FGF14: variants seen among roughly 807,000 people sequenced by gnomAD.
FGF14 encodes fibroblast growth factor 14.
Under a neutral mutation model 25.5 loss-of-function variants are expected in FGF14, and 5 were observed. That is an observed-to-expected ratio of 0.20 (90% CI 0.10 to 0.41). The LOEUF (loss-of-function observed/expected upper bound fraction) is 0.41. FGF14 is among the 10% of genes least tolerant of loss of function. The pLI is 1.00. For synonymous variants in FGF14, 138 were observed against 118.3 expected, an observed-to-expected ratio of 1.17 and a Z score of -1.08; for missense variants, 222 against 320.1, an observed-to-expected ratio of 0.69 and a Z score of 2.34.
chr13:102,096,576 A>C (rs12585373), intron 1 of FGF14, among the ~76,000 whole-genome samples: 4,976 of 152,286 alleles, frequency 0.033, 277 homozygotes, highest in East Asian at 0.25. Flanking sequence ...TTATTGTAAC[A>C]ACCAAGAAAG....
chr13:102,058,537 A>G (rs2042536232), intron 1 of FGF14, among the ~76,000 whole-genome samples: 1 of 152,240 alleles, frequency 6.6e-6, no homozygotes, highest in Non-Finnish European at 1.5e-5. Context: ...TATTATTAAC[A>G]AAGTTGTATA....
chr13:101,893,447 T>C (rs1157123526), intron 1 of FGF14, among the ~76,000 whole-genome samples: 1 of 152,170 alleles, frequency 6.6e-6, no homozygotes, highest in Admixed American at 6.6e-5. Context: ...TACATTCTTA[T>C]ACCTGAAGTG....
intron 3 of FGF14, among the ~76,000 whole-genome samples, chr13:101,820,993 G>T (rs1179402070): frequency 6.7e-6 from 1 of 149,176 alleles, no homozygotes; most frequent in East Asian, 2.0e-4. Context: ...TGTCGCCCAG[G>T]CTGGAGTGCA....
chr13:102,327,571 A>G (rs1219263842), intron 1 of FGF14, among the ~76,000 whole-genome samples: 2 of 152,234 alleles, frequency 1.3e-5, no homozygotes, highest in Non-Finnish European at 1.5e-5. Flanking sequence ...GTGGTGGTTC[A>G]CACCAATAAT....
At chr13:101,768,052 A>G (rs1475471643) in intron 3 of FGF14, among the ~76,000 whole-genome samples, 3 of 152,164 alleles carry the variant, frequency 2.0e-5, no homozygotes, top group Admixed American at 6.6e-5. Flanking sequence ...CGAACATAAA[A>G]GCAAAACATA....
intron 3 of FGF14, among the ~76,000 whole-genome samples, chr13:101,777,091 A>G (rs962447834): frequency 6.6e-6 from 1 of 152,216 alleles, no homozygotes; most frequent in African/African-American, 2.4e-5. Context: ...CAAGCTTTGT[A>G]TAGTACTATC....
chr13:101,839,180 A>G (rs1050414239), intron 3 of FGF14, among the ~76,000 whole-genome samples: 1 of 152,060 alleles, frequency 6.6e-6, no homozygotes, highest in African/African-American at 2.4e-5. Context: ...GCACTGTTCC[A>G]TGTCTGATGA....
intron 1 of FGF14, among the ~76,000 whole-genome samples, chr13:102,098,333 C>A (rs560506079): frequency 6.6e-6 from 1 of 152,296 alleles, no homozygotes; most frequent in African/African-American, 2.4e-5. Context: ...CTGATATACC[C>A]AGGTGTAATA....
intron 1 of FGF14, chr13:102,354,090 A>G (rs1311598476): frequency 6.6e-6 from 1 of 152,472 alleles, no homozygotes; most frequent in Non-Finnish European, 1.5e-5. Flanking sequence ...ATAACTACAA[A>G]GATTAAAAAA....
intron 1 of FGF14, among the ~76,000 whole-genome samples, chr13:102,020,853 G>A (rs1335494855): frequency 6.6e-6 from 1 of 151,716 alleles, no homozygotes; most frequent in Non-Finnish European, 1.5e-5. Context: ...TAGGGCAGCA[G>A]CATGATGACC....
intron 1 of FGF14, among the ~76,000 whole-genome samples, chr13:101,930,992 C>T (rs1301648815): frequency 9.2e-5 from 14 of 152,180 alleles, no homozygotes; most frequent in African/African-American, 3.4e-4. Context: ...TTAGCATGCC[C>T]TTCTCAGAAT....
chr13:102,041,693 C>G (rs1455129400), intron 1 of FGF14, among the ~76,000 whole-genome samples: 1 of 152,042 alleles, frequency 6.6e-6, no homozygotes, highest in Non-Finnish European at 1.5e-5. Context: ...GTGTGCAGAA[C>G]TGTCTTTCAC....
chr13:102,003,655 A>T (rs1379662233), intron 1 of FGF14, among the ~76,000 whole-genome samples: 1 of 146,782 alleles, frequency 6.8e-6, no homozygotes, highest in Non-Finnish European at 1.5e-5. Context: ...TCTTTATTGC[A>T]AGGGGTTAGC....
At chr13:102,153,082 T>C (rs1406103452) in intron 1 of FGF14, among the ~76,000 whole-genome samples, 2 of 152,134 alleles carry the variant, frequency 1.3e-5, no homozygotes, top group Non-Finnish European at 2.9e-5. Context: ...AATTCGCCTA[T>C]AGAGTGAAGC....
In FGF14 at chr13:101,962,354, CTGTT is replaced by C. The variant is rs10576798; in HGVS notation, c.209-87062_209-87059del. ...GGGAGTTCATTCATGATTTGACTCT[CTGTT>C]TGTCTGTTGTTGGTGTATAGGAATG... On this transcript the variant is annotated intron_variant, in intron 1 of 4. Coordinates refer to the FGF14 transcript ENST00000376131. Among the ~76,000 whole-genome samples, 183 of 152,216 alleles carry C rather than the reference CTGTT, an allele frequency of 1.2e-3. 1 individual carries two copies. Among genetic ancestry groups the C allele is most frequent in the African/African-American group, 3.8e-3 (158 of 41,534 alleles).
chr13:102,239,909 A>G (rs1211279132), intron 1 of FGF14, among the ~76,000 whole-genome samples: 1 of 152,228 alleles, frequency 6.6e-6, no homozygotes, highest in Non-Finnish European at 1.5e-5. Context: ...AAAATCATCC[A>G]AAGTATGTAA....
chr13:101,759,799 C>T (rs1320207514), intron 3 of FGF14, among the ~76,000 whole-genome samples: 2 of 152,092 alleles, frequency 1.3e-5, no homozygotes, highest in Admixed American at 6.6e-5. Flanking sequence ...GGAGCTATTA[C>T]TGTAGAGAAA....
At chr13:102,252,670 T>C (rs796808370) in intron 1 of FGF14, among the ~76,000 whole-genome samples, 2 of 152,278 alleles carry the variant, frequency 1.3e-5, no homozygotes, top group Admixed American at 6.5e-5. Flanking sequence ...TATTCTTTTT[T>C]TTTTAATTAT....
intron 1 of FGF14, among the ~76,000 whole-genome samples, chr13:101,948,324 A>G (rs1317054338): frequency 6.6e-6 from 1 of 152,166 alleles, no homozygotes; most frequent in East Asian, 1.9e-4. Context: ...ATGTTGTTAA[A>G]GAATTCTATA....
Sources: gnomAD v4.1 joint callset for allele counts (sites outside exome capture counted in the v4.1 genomes callset) on GRCh38, gnomAD v4.1.1 for gene constraint, MANE v1.5 for transcripts, NCBI Gene and HGNC (gene_info 2026-07-23, HGNC 2026-07-21) for gene names.